Variants in RAPGEF2 observed in about 807,000 individuals in gnomAD.
RAPGEF2 encodes the protein Rap guanine nucleotide exchange factor 2, also known as PDZ domain containing guanine nucleotide exchange factor (GEF) 1.
Under a neutral mutation model 186.7 loss-of-function variants are expected in RAPGEF2, and 54 were observed. That is an observed-to-expected ratio of 0.29 (90% CI 0.23 to 0.36). The LOEUF is 0.36. RAPGEF2 is among the 10% of genes least tolerant of loss of function. RAPGEF2 has a pLI of 1.00. For synonymous variants in RAPGEF2, 712 were observed against 705.9 expected, an observed-to-expected ratio of 1.01 and a Z score of -0.14; for missense variants, 1,532 against 2,045.0, an observed-to-expected ratio of 0.75 and a Z score of 4.84.
intron 1 of RAPGEF2, among the ~76,000 whole-genome samples, chr4:159,106,542 G>A (rs915353166): frequency 6.6e-6 from 1 of 152,160 alleles, no homozygotes; most frequent in African/African-American, 2.4e-5. Flanking sequence ...TATTAGAAAA[G>A]CAACCATGTT....
intron 1 of RAPGEF2, among the ~76,000 whole-genome samples, chr4:159,145,323 T>C (rs1189748545): frequency 6.6e-6 from 1 of 152,182 alleles, no homozygotes; most frequent in Non-Finnish European, 1.5e-5. Flanking sequence ...CTGTGTAATT[T>C]TTAATTTTCT....
intron 8 of RAPGEF2, among the ~76,000 whole-genome samples, chr4:159,309,622 G>A (rs935512920): frequency 6.6e-5 from 10 of 152,186 alleles, no homozygotes; most frequent in South Asian, 2.1e-4. Context: ...GGGGCAGGTT[G>A]AAAGAATAGA....
chr4:159,293,290 T>G (rs1256727207), intron 7 of RAPGEF2, among the ~76,000 whole-genome samples: 1 of 152,238 alleles, frequency 6.6e-6, no homozygotes, highest in African/African-American at 2.4e-5. Flanking sequence ...CTTTTCATCT[T>G]TGCTGGATGC....
chr4:159,316,689 T>A (rs1225526242), intron 9 of RAPGEF2, among the ~76,000 whole-genome samples: 1 of 152,242 alleles, frequency 6.6e-6, no homozygotes, highest in Non-Finnish European at 1.5e-5. Flanking sequence ...GGTGTATATT[T>A]ACCACATTTT....
chr4:159,245,088 A>C (rs1415684551), intron 7 of RAPGEF2, among the ~76,000 whole-genome samples: 2 of 151,960 alleles, frequency 1.3e-5, no homozygotes, highest in African/African-American at 4.8e-5. Context: ...TCCAACTTAG[A>C]ACTTGGAATT....
intron 1 of RAPGEF2, among the ~76,000 whole-genome samples, chr4:159,133,050 C>T (rs1044365237): frequency 5.9e-5 from 9 of 152,036 alleles, no homozygotes; most frequent in African/African-American, 2.2e-4. Context: ...TACACAGATC[C>T]ATAAAAACAT....
In RAPGEF2 at chr4:159,331,421, G is replaced by T; in HGVS notation, c.1468-10G>T. On this transcript the variant is annotated splice_polypyrimidine_tract_variant and intron_variant, in intron 13 of 29. Coordinates refer to ENST00000691494, the MANE Select transcript of RAPGEF2 (RefSeq NM_001394067.2). Reference sequence around the variant, plus strand: ...AAAAGGAAACTTATTGAAAATAATTGACTTTTCAGGTTACACGGGTAGTAT... The same window carrying T: ...AAAAGGAAACTTATTGAAAATAATTTACTTTTCAGGTTACACGGGTAGTAT... 1.3e-6 allele frequency: 2 copies of T among 1,522,966 alleles called. No homozygotes were observed. Among genetic ancestry groups the T allele is most frequent in the South Asian group, 1.3e-5 (1 of 79,690 alleles). The allele number at this position is 1,522,966 out of a possible 1,614,324, so 94.3% of individuals were successfully genotyped here. A position where few individuals can be genotyped will look rare whatever the true frequency, so the allele number is the denominator to read the frequency against.
At chr4:159,166,063 G>A (rs1229500897) in intron 1 of RAPGEF2, among the ~76,000 whole-genome samples, 1 of 152,170 alleles carries the variant, frequency 6.6e-6, no homozygotes, top group African/African-American at 2.4e-5. Flanking sequence ...GCTCACACCT[G>A]TAATCCCAGC....
At chr4:159,234,960 A>G (rs752123150) in intron 4 of RAPGEF2, among the ~76,000 whole-genome samples, 7 of 151,892 alleles carry the variant, frequency 4.6e-5, no homozygotes, top group Non-Finnish European at 1.0e-4. Context: ...GGCTTTCACC[A>G]TGTTGGCTAG....
intron 4 of RAPGEF2, among the ~76,000 whole-genome samples, chr4:159,234,459 C>T (rs760354622): frequency 1.0e-4 from 15 of 149,608 alleles, no homozygotes; most frequent in Non-Finnish European, 1.9e-4. Context: ...CTCGTCTCAC[C>T]GCAACCTCTG....
At chr4:159,159,603 C>T (rs1744485815) in intron 1 of RAPGEF2, among the ~76,000 whole-genome samples, 1 of 151,964 alleles carries the variant, frequency 6.6e-6, no homozygotes. Flanking sequence ...AGTGTTGTTC[C>T]AAGAGGTCTC....
chr4:159,319,015 GT>G lies in RAPGEF2; in HGVS notation c.854-3329del, dbSNP rs377547054. Among the ~76,000 whole-genome samples, 662 of 152,254 alleles carry G rather than the reference GT, an allele frequency of 4.3e-3. 11 individuals carry two copies. The highest frequency in any genetic ancestry group is 0.015 in the African/African-American group (629 of 41,534). Reference sequence around the variant, plus strand: ...AAGAAATACAAAAGAAAATTGTCCTGTTTCTCCCATCCGTGGCTTCTTTTCC... The same window carrying G: ...AAGAAATACAAAAGAAAATTGTCCTGTTCTCCCATCCGTGGCTTCTTTTCC... On this transcript the variant is annotated intron_variant, in intron 9 of 29. Coordinates refer to ENST00000691494, the MANE Select transcript of RAPGEF2 (RefSeq NM_001394067.2).
intron 4 of RAPGEF2, among the ~76,000 whole-genome samples, chr4:159,218,257 T>C (rs911893283): frequency 6.6e-6 from 1 of 152,012 alleles, no homozygotes; most frequent in Non-Finnish European, 1.5e-5. Context: ...TTAAGCATGG[T>C]AGGAGGGTGG....
At chr4:159,124,437 G>A (rs1225349478) in intron 1 of RAPGEF2, among the ~76,000 whole-genome samples, 1 of 152,064 alleles carries the variant, frequency 6.6e-6, no homozygotes. Flanking sequence ...TACTCGGGAA[G>A]CTGAGGCAGG....
intron 1 of RAPGEF2, among the ~76,000 whole-genome samples, chr4:159,104,534 C>G (rs200981180): frequency 0.063 from 3,806 of 60,346 alleles, 92 homozygotes; most frequent in African/African-American, 0.11. Flanking sequence ...GAGGGAGAGA[C>G]AGAGAGAGAG....
chr4:159,249,286 T>TC (rs1491335720), intron 7 of RAPGEF2, among the ~76,000 whole-genome samples: 1 of 51,494 alleles, frequency 1.9e-5, no homozygotes, highest in African/African-American at 1.1e-4. Context: ...AAAAAGTCTC[T>TC]TTTTTTTTTT....
intron 11 of RAPGEF2, among the ~76,000 whole-genome samples, chr4:159,324,840 C>T (rs996580605): frequency 9.2e-5 from 14 of 152,036 alleles, no homozygotes; most frequent in African/African-American, 2.7e-4. Flanking sequence ...ATTTAAGATA[C>T]TTTTGGTATT....
chr4:159,312,171 TAAA>T (rs1157767312), intron 8 of RAPGEF2, among the ~76,000 whole-genome samples: 1 of 152,152 alleles, frequency 6.6e-6, no homozygotes, highest in Non-Finnish European at 1.5e-5. Flanking sequence ...GTTTTAAAAT[TAAA>T]GAAAAACCAT....
At chr4:159,264,369 C>T (rs1579668642) in intron 7 of RAPGEF2, among the ~76,000 whole-genome samples, 2 of 152,126 alleles carry the variant, frequency 1.3e-5, no homozygotes, top group African/African-American at 4.8e-5. Context: ...TAGTTTCCTT[C>T]TTGAGATAAG....
Sources: gnomAD v4.1 joint callset for allele counts (sites outside exome capture counted in the v4.1 genomes callset) on GRCh38, gnomAD v4.1.1 for gene constraint, MANE v1.5 for transcripts, NCBI Gene and HGNC (gene_info 2026-07-23, HGNC 2026-07-21) for gene names.